The following GALNT17 variants were observed in gnomAD, a reference collection of about 807,000 sequenced individuals.
The protein encoded by GALNT17 is polypeptide N-acetylgalactosaminyltransferase 17.
Under a neutral mutation model 63.7 loss-of-function variants are expected in GALNT17, and 29 were observed. That is an observed-to-expected ratio of 0.46 (90% CI 0.34 to 0.62). The LOEUF is 0.62. Ranked by LOEUF, GALNT17 falls within the 20% of genes least tolerant of loss-of-function variation. The pLI, the probability that GALNT17 is intolerant of heterozygous loss-of-function variation, is 0.01. For synonymous variants in GALNT17, 305 were observed against 318.3 expected (o/e 0.96, Z 0.45); for missense variants, 603 against 799.6 (o/e 0.75, Z 2.97).
intron 5 of GALNT17, among the ~76,000 whole-genome samples, chr7:71,570,128 T>A (rs560997577): frequency 6.6e-6 from 1 of 152,210 alleles, no homozygotes; most frequent in African/African-American, 2.4e-5. Context: ...TTCTTGTCTC[T>A]AATTTTCAAT....
chr7:71,288,343 G>A (rs1790915432), intron 1 of GALNT17, among the ~76,000 whole-genome samples: 3 of 152,044 alleles, frequency 2.0e-5, no homozygotes, highest in Admixed American at 6.6e-5. Flanking sequence ...AGCAGGAAAA[G>A]GGAGAGGAGA....
intron 1 of GALNT17, among the ~76,000 whole-genome samples, chr7:71,187,583 TC>T (rs1465311453): frequency 6.6e-6 from 1 of 151,752 alleles, no homozygotes; most frequent in East Asian, 1.9e-4. Flanking sequence ...ACCTCCCCCC[TC>T]ATCCACTTTT....
At chr7:71,400,304 T>A (rs2116384516) in intron 3 of GALNT17, among the ~76,000 whole-genome samples, 1 of 152,320 alleles carries the variant, frequency 6.6e-6, no homozygotes, top group East Asian at 1.9e-4. Flanking sequence ...TCCAGCTTCA[T>A]CTGTGTCCTT....
intron 5 of GALNT17, among the ~76,000 whole-genome samples, chr7:71,504,096 C>T (rs1001990368): frequency 1.5e-4 from 23 of 152,062 alleles, no homozygotes; most frequent in African/African-American, 5.3e-4. Context: ...GGCATGGTGG[C>T]GGGAACCTGT....
At chr7:71,159,893 T>A (rs147105730) in intron 1 of GALNT17, among the ~76,000 whole-genome samples, 2,177 of 151,824 alleles carry the variant, frequency 0.014, 95 homozygotes, top group African/African-American at 0.047. Context: ...GCAATTCTTC[T>A]GCCTCAGCCT....
chr7:71,393,222 GT>G (rs1338812811), intron 3 of GALNT17, among the ~76,000 whole-genome samples: 1 of 151,620 alleles, frequency 6.6e-6, no homozygotes, highest in East Asian at 1.9e-4. Flanking sequence ...AGCATACTCT[GT>G]TTTTTTTGCC....
At chr7:71,582,986 G>A (rs1789658749) in intron 6 of GALNT17, among the ~76,000 whole-genome samples, 1 of 151,920 alleles carries the variant, frequency 6.6e-6, no homozygotes, top group African/African-American at 2.4e-5. Flanking sequence ...AAACAAATTG[G>A]GAAAGTAGGA....
rs374126767 is a variant in GALNT17, at chr7:71,164,448, C to T, written c.238+31408C>T. Among the ~76,000 whole-genome samples, 8 of 152,206 alleles carry T rather than the reference C, an allele frequency of 5.3e-5. No homozygotes were observed. In the East Asian group the frequency reaches 1.2e-3, roughly 22 times the overall value. On this transcript the variant is annotated intron_variant, in intron 1 of 10. Coordinates refer to ENST00000333538, the MANE Select transcript of GALNT17 (RefSeq NM_022479.3). The stretch of plus-strand genomic sequence containing the variant: ...AAGTCCACCCCCATGATCGAATCAC[C>T]TCCCACTAGGATCCTCCCTCGACTC...
Position 71,358,930 on chromosome 7 carries a change from C to T in GALNT17, c.422+23197C>T, listed in dbSNP as rs2707437. ...CTGGAATTACAGGCGCCCACCACCACATCCGGCTACTTTTTTGGAGTTTTA... is the reference window on the plus strand; with the variant it reads ...CTGGAATTACAGGCGCCCACCACCATATCCGGCTACTTTTTTGGAGTTTTA... On this transcript the variant is annotated intron_variant, in intron 2 of 10. Coordinates refer to ENST00000333538, the MANE Select transcript of GALNT17 (RefSeq NM_022479.3). 6.4e-3 allele frequency among the ~76,000 whole-genome samples: 975 copies of T among 152,214 alleles called. 10 individuals carry two copies. The highest frequency in any genetic ancestry group is 0.022 in the African/African-American group (933 of 41,530).
At chr7:71,617,641 T>C (rs1790233164) in intron 6 of GALNT17, among the ~76,000 whole-genome samples, 1 of 151,076 alleles carries the variant, frequency 6.6e-6, no homozygotes, top group African/African-American at 2.4e-5. Flanking sequence ...TGTTTGTTTG[T>C]TTGTTTGTTT....
chr7:71,711,072 C>T, intron 10 of GALNT17, 144 bp downstream of exon 10: 1 of 1,080,608 alleles, frequency 9.3e-7, no homozygotes, highest in South Asian at 1.6e-5. Context: ...GCTTGTGGAC[C>T]CAAAGCACTT....
At chr7:71,137,015 C>T (rs1361269354) in intron 1 of GALNT17, among the ~76,000 whole-genome samples, 1 of 151,168 alleles carries the variant, frequency 6.6e-6, no homozygotes, top group Non-Finnish European at 1.5e-5. Flanking sequence ...TCAAGTGATC[C>T]CCACCCCCAC....
chr7:71,406,338 C>T (rs1023439441), intron 3 of GALNT17, among the ~76,000 whole-genome samples: 3 of 152,156 alleles, frequency 2.0e-5, no homozygotes, highest in Non-Finnish European at 1.5e-5. Flanking sequence ...CTTACTTGCA[C>T]GGGTGCCCTT....
chr7:71,457,413 C>T (rs1265326018), intron 5 of GALNT17, among the ~76,000 whole-genome samples: 7 of 152,110 alleles, frequency 4.6e-5, no homozygotes, highest in Non-Finnish European at 7.3e-5. Context: ...AGAGAGAGTT[C>T]TTGGATCTTG....
intron 9 of GALNT17, among the ~76,000 whole-genome samples, chr7:71,702,995 G>T (rs186867710): frequency 5.4e-4 from 83 of 152,316 alleles, no homozygotes; most frequent in African/African-American, 1.6e-3. Context: ...ATGTCAAGTA[G>T]GGAGCTGGAT....
intron 5 of GALNT17, among the ~76,000 whole-genome samples, chr7:71,452,926 T>G (rs187603947): frequency 6.7e-4 from 102 of 152,344 alleles, no homozygotes; most frequent in Non-Finnish European, 1.3e-3. Flanking sequence ...TCCATCTGCC[T>G]TAACATGATT....
At chr7:71,245,577 C>T (rs1412465369) in intron 1 of GALNT17, among the ~76,000 whole-genome samples, 2 of 152,162 alleles carry the variant, frequency 1.3e-5, no homozygotes, top group East Asian at 3.9e-4. Context: ...AATCTCTGGG[C>T]GTATGTGCAA....
intron 1 of GALNT17, among the ~76,000 whole-genome samples, chr7:71,220,320 G>T (rs1291168590): frequency 2.6e-5 from 4 of 152,192 alleles, no homozygotes; most frequent in Admixed American, 2.6e-4. Flanking sequence ...AAGGCCAGTT[G>T]GGAGGTGGGG....
intron 9 of GALNT17, among the ~76,000 whole-genome samples, chr7:71,706,825 T>C (rs1314003737): frequency 6.6e-6 from 1 of 152,166 alleles, no homozygotes; most frequent in East Asian, 1.9e-4. Flanking sequence ...ATGCAGAGAA[T>C]CTTATCTGCC....
Sources: allele counts gnomAD v4.1 joint callset (sites outside exome capture counted in the v4.1 genomes callset), GRCh38; gene constraint gnomAD v4.1.1; transcripts MANE v1.5; gene names NCBI Gene and HGNC (gene_info 2026-07-23, HGNC 2026-07-21).